The following XKR9 variants were observed in gnomAD, a reference collection of about 807,000 sequenced individuals.
XKR9 encodes XK-related protein 9.
A neutral mutation model predicts 32.0 loss-of-function variants in XKR9; 32 were observed. The observed-to-expected ratio is 1.00, with a 90% CI of 0.76 to 1.34. The LOEUF (loss-of-function observed/expected upper bound fraction) is 1.34, where lower values mean the gene tolerates loss of function less well. Ranked by LOEUF, XKR9 falls within the 40% of genes most tolerant of loss-of-function variation. XKR9 has a pLI of 0.00. For synonymous variants in XKR9, 168 were observed against 143.4 expected (o/e 1.17, Z -1.22); for missense variants, 546 against 429.7 (o/e 1.27, Z -2.39).
At chr8:70,709,290 G>A (rs941585068) in intron 4 of XKR9, among the ~76,000 whole-genome samples, 5 of 151,918 alleles carry the variant, frequency 3.3e-5, no homozygotes, top group Admixed American at 1.3e-4. Flanking sequence ...AAGGATGCCC[G>A]GGAATATACG....
the XKR9 span, among the ~76,000 whole-genome samples, chr8:71,027,643 A>G: frequency 2.0e-5 from 3 of 151,972 alleles, no homozygotes; most frequent in Non-Finnish European, 2.9e-5. Flanking sequence ...TTTAATGACA[A>G]TGTATCTAAG....
the XKR9 span, among the ~76,000 whole-genome samples, chr8:70,921,488 CAA>C: frequency 1.3e-5 from 2 of 152,206 alleles, no homozygotes; most frequent in African/African-American, 4.8e-5. Context: ...TTCCTAATAT[CAA>C]GTGTCATTTT....
chr8:70,840,298 C>A, the XKR9 span, among the ~76,000 whole-genome samples: 1 of 152,026 alleles, frequency 6.6e-6, no homozygotes, highest in Admixed American at 6.6e-5. Context: ...TAATTTGAGG[C>A]CTATATCTGA....
chr8:70,918,355 T>C, the XKR9 span, among the ~76,000 whole-genome samples: 1 of 152,160 alleles, frequency 6.6e-6, no homozygotes, highest in Non-Finnish European at 1.5e-5. Context: ...CAGACTTTAC[T>C]TCAGAAGGAG....
At chr8:70,911,161 G>A in the XKR9 span, among the ~76,000 whole-genome samples, 1 of 152,122 alleles carries the variant, frequency 6.6e-6, no homozygotes, top group Non-Finnish European at 1.5e-5. Context: ...TACTGTTGAT[G>A]GAATAACCAG....
chr8:71,006,429 A>G, the XKR9 span, among the ~76,000 whole-genome samples: 2 of 152,226 alleles, frequency 1.3e-5, no homozygotes, highest in Non-Finnish European at 2.9e-5. Context: ...AAGCCCAAAG[A>G]TTGGACACTC....
intron 4 of XKR9, among the ~76,000 whole-genome samples, chr8:70,729,185 T>C (rs1806578173): frequency 6.6e-6 from 1 of 152,212 alleles, no homozygotes; most frequent in Non-Finnish European, 1.5e-5. Context: ...AAACAGATTC[T>C]TATGGCACTT....
At chr8:70,829,231 CG>C in the XKR9 span, among the ~76,000 whole-genome samples, 54 of 152,030 alleles carry the variant, frequency 3.6e-4, 1 homozygote, top group South Asian at 2.1e-4. Flanking sequence ...TTTCTTATTT[CG>C]GATAAGAAAA....
In XKR9 at chr8:70,788,524, C is replaced by T. The variant is rs115089932; in HGVS notation, n.353-815C>T. Among the ~76,000 whole-genome samples, 335 of 132,600 alleles carry T rather than the reference C, an allele frequency of 2.5e-3. 2 individuals are homozygous for T. The highest frequency in any genetic ancestry group is 7.6e-3 in the African/African-American group (307 of 40,140). 87.0% of individuals were successfully genotyped at this position (132,600 alleles called of 152,430 possible). A position where few individuals can be genotyped will look rare whatever the true frequency, so the allele number is the denominator to read the frequency against. ...AGACTTTGCAGGCAAGCTTAACCAG[C>T]GCAGATGTTCATAAATTAAATATCC... On this transcript the variant is annotated intron_variant and non_coding_transcript_variant, in intron 2 of 3. Coordinates refer to the XKR9 transcript ENST00000520273.
the XKR9 span, among the ~76,000 whole-genome samples, chr8:70,799,694 T>A: frequency 6.6e-6 from 1 of 152,168 alleles, no homozygotes; most frequent in Non-Finnish European, 1.5e-5. Context: ...ATGCTACTGA[T>A]TTTTGTATAT....
At chr8:70,753,203 A>G (rs1586883730) in intron 2 of XKR9, among the ~76,000 whole-genome samples, 2 of 152,332 alleles carry the variant, frequency 1.3e-5, no homozygotes, top group African/African-American at 4.8e-5. Flanking sequence ...CACCCTCCCA[A>G]CACTAACCCA....
intron 2 of XKR9, among the ~76,000 whole-genome samples, chr8:70,774,947 T>C (rs1403072457): frequency 6.6e-6 from 1 of 152,156 alleles, no homozygotes; most frequent in Non-Finnish European, 1.5e-5. Flanking sequence ...TAGGACTGTA[T>C]TGAATCTTTG....
intron 2 of XKR9, among the ~76,000 whole-genome samples, chr8:70,675,519 A>G (rs1275900676): frequency 6.6e-6 from 1 of 152,224 alleles, no homozygotes; most frequent in Non-Finnish European, 1.5e-5. Context: ...TCCTGTTTAA[A>G]TATAAATTCA....
chr8:70,906,073 G>T, the XKR9 span, among the ~76,000 whole-genome samples: 1 of 152,212 alleles, frequency 6.6e-6, no homozygotes, highest in East Asian at 1.9e-4. Context: ...CTACTCGGGG[G>T]TCAGGGACCC....
chr8:71,037,861 A>C, the XKR9 span, among the ~76,000 whole-genome samples: 1 of 152,212 alleles, frequency 6.6e-6, no homozygotes, highest in Non-Finnish European at 1.5e-5. Context: ...AAGTTCCTGG[A>C]TAGATTTGAA....
chr8:70,777,656 G>A (rs75175069), intron 2 of XKR9, among the ~76,000 whole-genome samples: 11,045 of 152,146 alleles, frequency 0.073, 474 homozygotes, highest in Non-Finnish European at 0.089. Flanking sequence ...ATTCTAACTG[G>A]CATGAGATGG....
At chr8:70,829,824 A>C in the XKR9 span, among the ~76,000 whole-genome samples, 1 of 152,200 alleles carries the variant, frequency 6.6e-6, no homozygotes, top group African/African-American at 2.4e-5. Context: ...CACCTGAGTT[A>C]ATACTCCATT....
chr8:70,857,061 G>T, the XKR9 span, among the ~76,000 whole-genome samples: 1 of 152,212 alleles, frequency 6.6e-6, no homozygotes, highest in African/African-American at 2.4e-5. Flanking sequence ...ACAATTAAAA[G>T]AACTAGAGAA....
the XKR9 span, among the ~76,000 whole-genome samples, chr8:70,902,647 C>G: frequency 6.6e-6 from 1 of 152,290 alleles, no homozygotes; most frequent in African/African-American, 2.4e-5. Context: ...CCTGATTGCC[C>G]TGGCCAGAAC....
Sources: allele counts gnomAD v4.1 joint callset (sites outside exome capture counted in the v4.1 genomes callset), GRCh38; gene constraint gnomAD v4.1.1; transcripts MANE v1.5; gene names NCBI Gene and HGNC (gene_info 2026-07-23, HGNC 2026-07-21).